TMPRSS15: variants seen among roughly 807,000 people sequenced by gnomAD.
TMPRSS15 encodes the protein transmembrane serine protease 15.
In TMPRSS15, 128 loss-of-function variants were observed where a neutral mutation model predicts 125.3. The ratio of observed to expected loss-of-function variants is 1.02; its 90% confidence interval spans 0.89 to 1.18. The LOEUF is 1.18. Ranked by LOEUF, TMPRSS15 falls within the 50% of genes most tolerant of loss-of-function variation. The pLI is 0.00. For synonymous variants in TMPRSS15, 446 were observed against 423.2 expected (o/e 1.05, Z -0.66); for missense variants, 1,283 against 1,212.7 (o/e 1.06, Z -0.86).
chr21:18,370,121 A>AT (rs987923527), intron 6 of TMPRSS15, among the ~76,000 whole-genome samples: 1 of 152,062 alleles, frequency 6.6e-6, no homozygotes, highest in Non-Finnish European at 1.5e-5. Context: ...GTTTGACTAT[A>AT]TTTTTAAAGC....
chr21:18,277,445 A>G (rs2074635632), intron 23 of TMPRSS15, among the ~76,000 whole-genome samples: 1 of 152,206 alleles, frequency 6.6e-6, no homozygotes, highest in Non-Finnish European at 1.5e-5. Context: ...AAGAGAAAAT[A>G]TCTATCTAGG....
intron 1 of TMPRSS15, among the ~76,000 whole-genome samples, chr21:18,419,898 T>C (rs1017763943): frequency 6.6e-6 from 1 of 152,206 alleles, no homozygotes; most frequent in South Asian, 2.1e-4. Flanking sequence ...ACAATTGTTC[T>C]GTCAACATGG....
At chr21:18,475,789 C>A (rs1258070243) in intron 1 of TMPRSS15, among the ~76,000 whole-genome samples, 1 of 152,146 alleles carries the variant, frequency 6.6e-6, no homozygotes, top group Non-Finnish European at 1.5e-5. Flanking sequence ...TAAGACAAAG[C>A]CCACATAGTA....
chr21:18,403,799 T>G (rs2076120295), upstream of TMPRSS15: 1 of 682,166 alleles, frequency 1.5e-6, no homozygotes, highest in Non-Finnish European at 2.5e-6. Context: ...ATTATGTCTC[T>G]ATACATTAAG....
At chr21:18,307,646 T>A (rs369702759) in intron 18 of TMPRSS15, among the ~76,000 whole-genome samples, 8 of 152,220 alleles carry the variant, frequency 5.3e-5, no homozygotes, top group Admixed American at 2.0e-4. Flanking sequence ...GTGCTTAGAT[T>A]TCTGACCCAG....
chr21:18,398,558 T>C (rs1320779076), intron 1 of TMPRSS15, among the ~76,000 whole-genome samples: 4 of 152,118 alleles, frequency 2.6e-5, no homozygotes. Flanking sequence ...TTTCAACATT[T>C]TTTTTCTTTT....
chr21:18,374,694 T>G (rs1055138008), intron 5 of TMPRSS15, among the ~76,000 whole-genome samples: 1 of 152,134 alleles, frequency 6.6e-6, no homozygotes, highest in African/African-American at 2.4e-5. Flanking sequence ...ATATGACCAG[T>G]CCATGTTTCA....
At chr21:18,452,528 T>C (rs1263285220) in intron 1 of TMPRSS15, among the ~76,000 whole-genome samples, 6 of 151,954 alleles carry the variant, frequency 3.9e-5, no homozygotes, top group African/African-American at 1.4e-4. Context: ...TATCCGGGCA[T>C]GGTGGTGGGC....
intron 24 of TMPRSS15, among the ~76,000 whole-genome samples, chr21:18,271,083 C>G (rs1437908190): frequency 6.6e-6 from 1 of 152,060 alleles, no homozygotes; most frequent in Admixed American, 6.6e-5. Context: ...ATCAATGCAC[C>G]CTTTTTTCCC....
At chr21:18,333,884 T>C (rs1335002284) in intron 13 of TMPRSS15, among the ~76,000 whole-genome samples, 1 of 152,218 alleles carries the variant, frequency 6.6e-6, no homozygotes, top group Non-Finnish European at 1.5e-5. Context: ...AGCATTCTAA[T>C]TGTATCTAAT....
chr21:18,351,352 C>A (rs111897942), intron 10 of TMPRSS15, among the ~76,000 whole-genome samples: 9 of 152,282 alleles, frequency 5.9e-5, no homozygotes, highest in African/African-American at 2.2e-4. Flanking sequence ...TACATTCATG[C>A]ACTGAGAATA....
intron 18 of TMPRSS15, among the ~76,000 whole-genome samples, chr21:18,299,275 G>A (rs989069531): frequency 1.3e-5 from 2 of 152,190 alleles, no homozygotes; most frequent in Admixed American, 6.5e-5. Context: ...AGCTGAGAAT[G>A]TAGAAAGTCT....
At chr21:18,476,250 G>T (rs1978877849) in intron 1 of TMPRSS15, among the ~76,000 whole-genome samples, 1 of 152,068 alleles carries the variant, frequency 6.6e-6, no homozygotes, top group South Asian at 2.1e-4. Context: ...CCTTCTAAGT[G>T]GGATTTATAA....
intron 8 of TMPRSS15, among the ~76,000 whole-genome samples, chr21:18,357,194 C>T (rs1207874854): frequency 6.6e-6 from 1 of 151,850 alleles, no homozygotes; most frequent in Non-Finnish European, 1.5e-5. Context: ...ATAATTATTA[C>T]AACCATTGAA....
At chr21:18,283,891 T>C (rs1027455973) in intron 21 of TMPRSS15, among the ~76,000 whole-genome samples, 17 of 152,194 alleles carry the variant, frequency 1.1e-4, no homozygotes, top group African/African-American at 3.9e-4. Flanking sequence ...GTAGGTAACA[T>C]AGTTTAGTAA....
chr21:18,342,609 T>C (rs1272002706), intron 12 of TMPRSS15, among the ~76,000 whole-genome samples: 1 of 152,250 alleles, frequency 6.6e-6, no homozygotes, highest in African/African-American at 2.4e-5. Context: ...CCCCTTCTGC[T>C]GTCTCTTTTC....
chr21:18,353,929 C>A, intron 8 of TMPRSS15, 66 bp from the exon 9 acceptor site: 1 of 1,469,010 alleles, frequency 6.8e-7, no homozygotes, highest in Non-Finnish European at 9.5e-7. Flanking sequence ...ATCCATCCAT[C>A]AGTCCATCTA....
intron 1 of TMPRSS15, among the ~76,000 whole-genome samples, chr21:18,468,543 AT>A (rs1261494898): frequency 6.7e-6 from 1 of 150,138 alleles, no homozygotes; most frequent in East Asian, 2.0e-4. Flanking sequence ...CAAAAAAAAA[AT>A]CAACAAAAAG....
chr21:18,395,259 C>T (rs1163632109), intron 3 of TMPRSS15, among the ~76,000 whole-genome samples: 1 of 152,142 alleles, frequency 6.6e-6, no homozygotes, highest in Non-Finnish European at 1.5e-5. Flanking sequence ...ACTTTCATTG[C>T]TTCACTCTGT....
Sources: allele counts gnomAD v4.1 joint callset (sites outside exome capture counted in the v4.1 genomes callset), GRCh38; gene constraint gnomAD v4.1.1; transcripts MANE v1.5; gene names NCBI Gene and HGNC (gene_info 2026-07-23, HGNC 2026-07-21).